Variants in NID2 observed in about 807,000 individuals in gnomAD.
NID2 encodes nidogen 2, also known as nidogen-2.
A neutral mutation model predicts 145.4 loss-of-function variants in NID2; 83 were observed. The ratio of observed to expected loss-of-function variants is 0.57; its 90% CI spans 0.48 to 0.69. NID2 has a LOEUF of 0.69. Ranked by LOEUF, NID2 falls within the 30% of genes least tolerant of loss-of-function variation. The pLI is 0.00. For missense variants in NID2, 1,807 were observed against 1,765.7 expected, an observed-to-expected ratio of 1.02 and a Z score of -0.42; for synonymous variants, 739 against 701.3, an observed-to-expected ratio of 1.05 and a Z score of -0.85.
chr14:52,040,824 AC>A lies in NID2; in HGVS notation c.1852del (p.Val618LeufsTer25). 2 of 1,614,172 alleles carry A rather than the reference AC, an allele frequency of 1.2e-6. No homozygotes were observed. Among genetic ancestry groups the A allele is most frequent in the Non-Finnish European group, 1.7e-6 (2 of 1,180,028 alleles). On this transcript the variant is annotated frameshift_variant, in exon 8 of 22. Coordinates refer to ENST00000216286, the MANE Select transcript of NID2 (RefSeq NM_007361.4). LOFTEE classifies it high-confidence loss of function. ...AGAAFTHDME[V>X]TFYPGEETVR... ...CGTCTCCTCTCCCGGGTAGAATGTA[AC>A]TTCCATGTCATGGGTAAAGGCAGCA...
intron 20 of NID2, 47 bp from the exon 21 acceptor site, chr14:52,005,896 A>C: frequency 1.4e-6 from 2 of 1,392,204 alleles, no homozygotes; most frequent in Non-Finnish European, 1.0e-6. Context: ...CATTTACTAG[A>C]TAAAGAAGTC....
rs770006126 is a variant in NID2, at chr14:52,068,012, T to A, written c.380A>T (p.Asp127Val). The change falls in exon 2 of 22, where the codon GAC becomes GTC. Residue 127 changes from aspartate (D) to valine (V), a missense_variant. Coordinates refer to ENST00000216286, the MANE Select transcript of NID2 (RefSeq NM_007361.4). ...CAGGCCCAGCACTGCGGGGGAGGTG[T>A]CCTCTCGGTACAGGACTCGGCCTCT... ...HGRGRVLYRE[D>V]TSPAVLGLAA... is the part of the protein sequence containing the mutation. The A allele has an allele frequency of 6.2e-7, 1 of 1,612,226 alleles. No homozygotes were observed. Among genetic ancestry groups the A allele is most frequent in the Admixed American group, 1.7e-5 (1 of 59,758 alleles).
intron 9 of NID2, among the ~76,000 whole-genome samples, chr14:52,037,205 A>G (rs946133451): frequency 1.3e-5 from 2 of 152,230 alleles, no homozygotes; most frequent in African/African-American, 4.8e-5. Context: ...TCCCAGCACC[A>G]TAGTTAACAA....
intron 3 of NID2, among the ~76,000 whole-genome samples, chr14:52,058,072 G>A (rs1213872609): frequency 1.3e-5 from 2 of 152,210 alleles, no homozygotes; most frequent in Non-Finnish European, 2.9e-5. Flanking sequence ...GAGAATGTGA[G>A]CAATGTTTAT....
chr14:52,021,495 C>G (rs1595013384), intron 12 of NID2, among the ~76,000 whole-genome samples: 1 of 152,320 alleles, frequency 6.6e-6, no homozygotes, highest in East Asian at 1.9e-4. Flanking sequence ...TGTGCTTTCT[C>G]GAATACCATT....
intron 9 of NID2, among the ~76,000 whole-genome samples, chr14:52,035,878 A>ACATATATATATATATATTTATTTT (rs1555364238): frequency 7.4e-6 from 1 of 135,204 alleles, no homozygotes. Context: ...ATATATATAT[A>ACATATATATATATATATTTATTTT]TGTTTTATTT....
chr14:52,036,204 T>C (rs1892064433), intron 9 of NID2, among the ~76,000 whole-genome samples: 1 of 152,190 alleles, frequency 6.6e-6, no homozygotes, highest in East Asian at 1.9e-4. Flanking sequence ...TGGGCAACCA[T>C]GAATATGCTT....
chr14:52,005,545 T>C (rs770707702), intron 21 of NID2, 49 bp from the exon 22 acceptor site: 23 of 1,580,080 alleles, frequency 1.5e-5, no homozygotes, highest in Non-Finnish European at 1.9e-5. Context: ...GAGTATATTG[T>C]AACCAAGTTG....
chr14:52,011,274 CCA>C (rs1341422790), intron 17 of NID2, among the ~76,000 whole-genome samples: 1 of 152,208 alleles, frequency 6.6e-6, no homozygotes, highest in African/African-American at 2.4e-5. Flanking sequence ...CAACCGGCAT[CCA>C]CAGTGCCAGA....
chr14:52,008,244 G>T, intron 18 of NID2: 1 of 311,240 alleles, frequency 3.2e-6, no homozygotes. Context: ...CATGTTGCAA[G>T]CTACCCTGTA....
chr14:52,066,444 T>A (rs111763654), intron 2 of NID2, among the ~76,000 whole-genome samples: 14 of 152,120 alleles, frequency 9.2e-5, no homozygotes, highest in Non-Finnish European at 8.8e-5. Flanking sequence ...TTTAAATAAC[T>A]AAGAGTGTAA....
At chr14:52,021,571 AT>A (rs1283974072) in intron 12 of NID2, among the ~76,000 whole-genome samples, 2 of 152,222 alleles carry the variant, frequency 1.3e-5, no homozygotes, top group African/African-American at 4.8e-5. Context: ...TTATGTTATA[AT>A]TAGAAGGTAA....
At chr14:52,008,208 T>C (rs1258027197) in intron 18 of NID2, 2 of 382,832 alleles carry the variant, frequency 5.2e-6, no homozygotes, top group Admixed American at 4.4e-5. Flanking sequence ...GGCTCTCTCT[T>C]GCTCCCTTTG....
intron 5 of NID2, among the ~76,000 whole-genome samples, chr14:52,045,187 ATGG>A (rs1437260432): frequency 6.6e-6 from 1 of 152,166 alleles, no homozygotes; most frequent in Non-Finnish European, 1.5e-5. Flanking sequence ...ACTGGGTTTA[ATGG>A]TAGAAGCAAG....
rs1339259698 is a variant in NID2 at position 52,040,636 on chromosome 14, A to G, written c.2026+15T>C. ...TAATCCCCATTTTACAGATGTGAAG[A>G]CTGGTTATACATACTGGAGTCGGAG... On this transcript the variant is annotated intron_variant, in intron 8 of 21. Transcript: ENST00000216286. The G allele has an allele frequency of 1.9e-6, 3 of 1,608,748 alleles. No individual in the cohort carries two copies. Among genetic ancestry groups the G allele is most frequent in the African/African-American group, 2.7e-5 (2 of 74,782 alleles).
Position 52,040,815 on chromosome 14 carries a change from T to C in NID2, c.1862A>G (p.Tyr621Cys), listed in dbSNP as rs2140400283. 6.2e-7 allele frequency: 1 copy of C among 1,613,896 alleles called. No homozygotes were observed. Among genetic ancestry groups the C allele is most frequent in the East Asian group, 2.2e-5 (1 of 44,878 alleles). ...GATACGAACCGTCTCCTCTCCCGGG[T>C]AGAATGTAACTTCCATGTCATGGGT... Reference protein sequence around the residue: ...AFTHDMEVTFYPGEETVRITQ... With the variant: ...AFTHDMEVTFCPGEETVRITQ... The change falls in exon 8 of 22, where the codon TAC (tyrosine) becomes TGC (cysteine). Residue 621 changes from tyrosine (Y) to cysteine (C), a missense_variant. Transcript: ENST00000216286.
At chr14:52,011,383 A>G (rs1265152797) in intron 17 of NID2, among the ~76,000 whole-genome samples, 171 bp downstream of exon 17, 1 of 152,216 alleles carries the variant, frequency 6.6e-6, no homozygotes, top group Admixed American at 6.5e-5. Flanking sequence ...TTCCGTATGT[A>G]TGAAGGTGTT....
At chr14:52,055,538 A>G (rs1892817153) in intron 3 of NID2, among the ~76,000 whole-genome samples, 1 of 152,228 alleles carries the variant, frequency 6.6e-6, no homozygotes, top group Non-Finnish European at 1.5e-5. Flanking sequence ...CGTTTTCTCC[A>G]TGAGAAAAGA....
Position 52,060,364 on chromosome 14 carries a change from G to T in NID2, c.535-8C>A. ...TGCCTGGAAAGTGTTCAGCTGTGAG[G>T]AAAAAAAAAAAAAAAGAGAGAGAGA... On this transcript the variant is annotated splice_region_variant and splice_polypyrimidine_tract_variant and intron_variant, in intron 2 of 21. Coordinates refer to ENST00000216286, the MANE Select transcript of NID2 (RefSeq NM_007361.4). 5.3e-4 allele frequency: 395 copies of T among 743,304 alleles called. No individual in the cohort carries two copies. Among genetic ancestry groups the T allele is most frequent in the Non-Finnish European group, 6.4e-4 (351 of 547,226 alleles). The allele number at this position is 743,304 out of a possible 1,614,324, so 46.0% of individuals were successfully genotyped here. A position where few individuals can be genotyped will look rare whatever the true frequency, so the allele number is the denominator to read the frequency against.
Sources: allele counts gnomAD v4.1 joint callset (sites outside exome capture counted in the v4.1 genomes callset), GRCh38; gene constraint gnomAD v4.1.1; transcripts MANE v1.5; gene names NCBI Gene and HGNC (gene_info 2026-07-23, HGNC 2026-07-21).